Variants in SP100 observed in about 807,000 individuals in gnomAD.
The protein encoded by SP100 is nuclear autoantigen Sp-100.
In SP100, 84 loss-of-function variants were observed where a neutral mutation model predicts 130.0. The observed-to-expected ratio is 0.65, with a 90% CI of 0.54 to 0.77. SP100 has a LOEUF of 0.77. Ranked by LOEUF, SP100 falls within the 30% of genes least tolerant of loss-of-function variation. SP100 has a pLI of 0.00. For synonymous variants in SP100, 331 were observed against 351.7 expected, an observed-to-expected ratio of 0.94 and a Z score of 0.66; for missense variants, 978 against 1,052.2, an observed-to-expected ratio of 0.93 and a Z score of 0.97.
rs34700604 is a variant in SP100 at position 230,515,096 on chromosome 2, A to G, written c.2094+3930A>G. The G allele has an allele frequency of 3.9e-3, 6,270 of 1,612,800 alleles. 222 individuals are homozygous for G. In the African/African-American group the frequency reaches 0.075, roughly 19 times the overall value. On this transcript the variant is annotated intron_variant, in intron 24 of 28. Coordinates refer to ENST00000340126, the MANE Select transcript of SP100 (RefSeq NM_001080391.2). ...GCATTTTTTGTGCAAACTTGTCAGG[A>G]GGAGCATAAGAAGAAGAACCCAGAT...
At chr2:230,459,657 G>T in intron 8 of SP100, among the ~76,000 whole-genome samples, 1 of 152,120 alleles carries the variant, frequency 6.6e-6, no homozygotes, top group East Asian at 1.9e-4. Context: ...CATTTCATTT[G>T]CCACTTGTGT....
chr2:230,423,822 C>T (rs1454067783), intron 2 of SP100, among the ~76,000 whole-genome samples: 1 of 152,124 alleles, frequency 6.6e-6, no homozygotes, highest in East Asian at 1.9e-4. Flanking sequence ...TGGGGGAAGT[C>T]GTCCTCTGTC....
chr2:230,466,386 G>GA (rs1461329978), intron 12 of SP100, 32 bp downstream of exon 12: 2 of 1,127,514 alleles, frequency 1.8e-6, no homozygotes, highest in African/African-American at 3.1e-5. Flanking sequence ...AGAGGTAAGA[G>GA]AAAATAACTT....
intron 8 of SP100, among the ~76,000 whole-genome samples, chr2:230,452,222 G>A (rs2064024673): frequency 6.6e-6 from 1 of 151,044 alleles, no homozygotes; most frequent in South Asian, 2.1e-4. Context: ...TTGTTGCCCA[G>A]GCTGGAGTGT....
chr2:230,465,317 G>A (rs1403282659), intron 11 of SP100, among the ~76,000 whole-genome samples: 1 of 151,808 alleles, frequency 6.6e-6, no homozygotes, highest in Non-Finnish European at 1.5e-5. Flanking sequence ...GAGAGTCACT[G>A]GAACCTGGGA....
intron 8 of SP100, among the ~76,000 whole-genome samples, chr2:230,458,376 T>C (rs182685545): frequency 1.2e-4 from 19 of 152,268 alleles, no homozygotes; most frequent in African/African-American, 4.6e-4. Flanking sequence ...ATCCTCATCA[T>C]TGAGTAGTTT....
chr2:230,474,266 G>A (rs926987830), intron 16 of SP100, 128 bp from the exon 17 acceptor site: 1 of 613,806 alleles, frequency 1.6e-6, no homozygotes, highest in Non-Finnish European at 2.9e-6. Context: ...CCTTTGGAAG[G>A]AAGACAGATA....
At chr2:230,437,207 A>G (rs907460129) in intron 2 of SP100, among the ~76,000 whole-genome samples, 6 of 152,138 alleles carry the variant, frequency 3.9e-5, no homozygotes, top group South Asian at 2.1e-4. Flanking sequence ...CCATTCATGA[A>G]TAGGTTTAAA....
intron 15 of SP100, chr2:230,470,605 AAAT>A (rs2065218333): frequency 9.2e-6 from 2 of 216,364 alleles, no homozygotes; most frequent in Non-Finnish European, 1.6e-5. Context: ...GTCTTTTGGC[AAAT>A]AATATCTTAT....
rs772476666 is a variant in SP100, at chr2:230,462,444, G to A, written c.983G>A (p.Ser328Asn). Reference sequence around the variant, plus strand: ...TTGCTCCTTTGTGCAGTCATCAGCAGTGAGGACTCTGAAGGATCCACTGAC... The same window carrying A: ...TTGCTCCTTTGTGCAGTCATCAGCAATGAGGACTCTGAAGGATCCACTGAC... Reference protein sequence around the residue: ...NQASDIIVISSEDSEGSTDVD... With the variant: ...NQASDIIVISNEDSEGSTDVD... The change falls in exon 10 of 29, where the codon AGT (serine) becomes AAT (asparagine). Residue 328 changes from serine to asparagine, a missense_variant. Physicochemically the swap from Ser to Asn is conservative, Grantham distance 46. Transcript: ENST00000340126. 1 of 1,613,274 alleles carries A rather than the reference G, an allele frequency of 6.2e-7. No individual in the cohort carries two copies. Among genetic ancestry groups the A allele is most frequent in the Non-Finnish European group, 8.5e-7 (1 of 1,179,276 alleles).
chr2:230,446,587 A>G (rs1343439138), intron 4 of SP100, among the ~76,000 whole-genome samples: 1 of 152,066 alleles, frequency 6.6e-6, no homozygotes, highest in African/African-American at 2.4e-5. Context: ...TGTTTCCATT[A>G]CTCCTTTATC....
intron 8 of SP100, 31 bp from the exon 9 acceptor site, chr2:230,461,231 C>T: frequency 6.2e-7 from 1 of 1,606,764 alleles, no homozygotes; most frequent in Non-Finnish European, 8.5e-7. Flanking sequence ...ACTGGGGACA[C>T]AAATGAAAAT....
intron 17 of SP100, among the ~76,000 whole-genome samples, chr2:230,474,958 G>A (rs748208809): frequency 2.6e-5 from 4 of 151,472 alleles, no homozygotes; most frequent in African/African-American, 4.9e-5. Context: ...GATTGGTTCC[G>A]TGTCTTTGCT....
chr2:230,519,104 G>A (rs959203911), intron 24 of SP100, among the ~76,000 whole-genome samples: 7 of 152,182 alleles, frequency 4.6e-5, no homozygotes, highest in Admixed American at 2.6e-4. Context: ...CTTAATGAGT[G>A]TAAAACATTT....
At chr2:230,436,831 T>C (rs984630689) in intron 2 of SP100, among the ~76,000 whole-genome samples, 7 of 152,058 alleles carry the variant, frequency 4.6e-5, no homozygotes, top group Admixed American at 3.9e-4. Flanking sequence ...TTGCATTAGC[T>C]AAAGCTTCTA....
intron 24 of SP100, chr2:230,538,924 T>C (rs1213576867): frequency 5.2e-6 from 1 of 191,668 alleles, no homozygotes; most frequent in African/African-American, 2.3e-5. Flanking sequence ...CAAGTCAGTT[T>C]AAAGGATACG....
intron 22 of SP100, chr2:230,506,743 AG>A (rs1690133840): frequency 4.1e-6 from 1 of 241,714 alleles, no homozygotes; most frequent in African/African-American, 2.3e-5. Flanking sequence ...CTTAAGTTGG[AG>A]GGGAGGTCTT....
intron 17 of SP100, among the ~76,000 whole-genome samples, chr2:230,481,244 T>C (rs2065820857): frequency 1.3e-5 from 2 of 152,266 alleles, no homozygotes; most frequent in Admixed American, 1.3e-4. Context: ...AACTGCGAAG[T>C]CATAAATTCA....
Position 230,491,918 on chromosome 2 carries a change from T to C in SP100, c.1601-2498T>C, listed in dbSNP as rs901849989. Among the ~76,000 whole-genome samples, 3 of 152,324 alleles carry C rather than the reference T, an allele frequency of 2.0e-5. No homozygotes were observed. In the East Asian group the frequency reaches 5.8e-4, roughly 29 times the overall value. Reference sequence around the variant, plus strand: ...CTTTTCCTTGAAATAAATGAATGGGTAAGCAGCCCACACTCATTTCCTATT... The same window carrying C: ...CTTTTCCTTGAAATAAATGAATGGGCAAGCAGCCCACACTCATTTCCTATT... On this transcript the variant is annotated intron_variant, in intron 17 of 28. Coordinates refer to ENST00000340126, the MANE Select transcript of SP100 (RefSeq NM_001080391.2).
Sources: allele counts gnomAD v4.1 joint callset (sites outside exome capture counted in the v4.1 genomes callset), GRCh38; gene constraint gnomAD v4.1.1; transcripts MANE v1.5; gene names NCBI Gene and HGNC (gene_info 2026-07-23, HGNC 2026-07-21).